The following CFAP299 variants were observed in gnomAD, a reference collection of about 807,000 sequenced individuals.
CFAP299 encodes cilia and flagella associated protein 299, also known as cilia- and flagella-associated protein 299.
CFAP299 carries 21 observed loss-of-function variants against 27.0 expected under a neutral mutation model. The ratio of observed to expected loss-of-function variants is 0.78; its 90% CI spans 0.55 to 1.12. CFAP299 has a LOEUF of 1.12. Ranked by LOEUF, CFAP299 falls within the 50% of genes most tolerant of loss-of-function variation. The pLI is 0.00. For missense variants in CFAP299, 310 were observed against 276.6 expected (o/e 1.12, Z -0.86); for synonymous variants, 104 against 98.1 (o/e 1.06, Z -0.36).
intron 2 of CFAP299, among the ~76,000 whole-genome samples, chr4:80,393,518 T>C (rs557178390): frequency 1.3e-5 from 2 of 152,302 alleles, no homozygotes; most frequent in Admixed American, 6.5e-5. Context: ...TACATGTATA[T>C]AATTTTTCAT....
intron 2 of CFAP299, among the ~76,000 whole-genome samples, chr4:80,541,130 A>T (rs1375596090): frequency 8.0e-6 from 1 of 125,014 alleles, no homozygotes; most frequent in Non-Finnish European, 1.6e-5. Flanking sequence ...ATTTTATGTG[A>T]TTTAGACATA....
chr4:80,799,145 A>G lies in CFAP299; in HGVS notation c.334-70848A>G, dbSNP rs375716772. ...TTTATACAATATTTATATATATATT[A>G]TATAAATATATTTATACAATATTTA... On this transcript the variant is annotated intron_variant, in intron 3 of 5. Transcript: ENST00000358105. Among the ~76,000 whole-genome samples the G allele has an allele frequency of 6.5e-3, 759 of 116,336 alleles. 20 individuals are homozygous for G. Among genetic ancestry groups the G allele is most frequent in the African/African-American group, 0.019 (587 of 31,346 alleles). The allele number at this position is 116,336 out of a possible 152,430, so 76.3% of individuals were successfully genotyped here. A position where few individuals can be genotyped will look rare whatever the true frequency, so the allele number is the denominator to read the frequency against.
At chr4:80,561,315 G>A (rs2101352) in intron 2 of CFAP299, among the ~76,000 whole-genome samples, 1,645 of 152,226 alleles carry the variant, frequency 0.011, 32 homozygotes, top group African/African-American at 0.036. Flanking sequence ...AGTCCTTTTA[G>A]ATATCTGAAA....
intron 2 of CFAP299, among the ~76,000 whole-genome samples, chr4:80,519,139 CACTCTGTTAATATGTGTTTGTGTGTGT>C (rs1732766578): frequency 6.6e-6 from 1 of 151,828 alleles, no homozygotes; most frequent in South Asian, 2.1e-4. Flanking sequence ...ACATAGAAAG[CACTCTGTTAATATGTGTTTGTGTGTGT>C]ACTCTGTTAA....
At chr4:80,526,890 G>A (rs995332098) in intron 2 of CFAP299, among the ~76,000 whole-genome samples, 1 of 151,950 alleles carries the variant, frequency 6.6e-6, no homozygotes, top group African/African-American at 2.4e-5. Flanking sequence ...TTATTTTAGG[G>A]TGTTACAACA....
At position 80,870,527 on chromosome 4, in the gene CFAP299, C is replaced by G. The variant is rs546079489; in HGVS notation, c.476+392C>G. The stretch of plus-strand genomic sequence containing the variant: ...ACCAGCCAAAGTGCTGGCCCCTGAT[C>G]AGCTCACCCTCATTTCTCTCATCTC... On this transcript the variant is annotated intron_variant, in intron 4 of 5. Transcript: ENST00000358105. 2.0e-4 allele frequency: 202 copies of G among 990,620 alleles called. No homozygotes were observed. The African/African-American group carries it at 3.3e-3, about 16-fold the overall frequency. The allele number at this position is 990,620 out of a possible 1,614,324, so 61.4% of individuals were successfully genotyped here.
intron 2 of CFAP299, among the ~76,000 whole-genome samples, chr4:80,447,161 A>G (rs1286278698): frequency 2.1e-5 from 2 of 96,020 alleles, no homozygotes; most frequent in African/African-American, 4.5e-5. Flanking sequence ...TTTGAGACGG[A>G]GTCTCGCTCT....
upstream of CFAP299, among the ~76,000 whole-genome samples, chr4:80,331,243 G>A (rs547914241): frequency 6.6e-6 from 1 of 152,188 alleles, no homozygotes; most frequent in South Asian, 2.1e-4. Flanking sequence ...AACATGTAAC[G>A]TGTGCAGTAG....
chr4:80,905,641 G>A (rs993500744), intron 4 of CFAP299, among the ~76,000 whole-genome samples: 5 of 152,104 alleles, frequency 3.3e-5, no homozygotes, highest in African/African-American at 1.2e-4. Flanking sequence ...GGAGGCCTCA[G>A]GAAACTTACA....
intron 3 of CFAP299, among the ~76,000 whole-genome samples, chr4:80,838,089 C>A (rs188605692): frequency 6.6e-6 from 1 of 151,128 alleles, no homozygotes; most frequent in African/African-American, 2.4e-5. Context: ...AAGTGTCCTT[C>A]GACCACTTTT....
At chr4:80,593,357 A>G (rs748204982) in intron 3 of CFAP299, among the ~76,000 whole-genome samples, 18 of 152,146 alleles carry the variant, frequency 1.2e-4, no homozygotes, top group Middle Eastern at 3.2e-3. Flanking sequence ...AATCAATTTA[A>G]CTGACATTCT....
At chr4:80,624,876 C>T (rs1225968493) in intron 3 of CFAP299, among the ~76,000 whole-genome samples, 1 of 152,056 alleles carries the variant, frequency 6.6e-6, no homozygotes. Flanking sequence ...ATCAAGAATA[C>T]TGTGCTCAGC....
chr4:80,547,786 A>T (rs1200874662), intron 2 of CFAP299, among the ~76,000 whole-genome samples: 1 of 152,232 alleles, frequency 6.6e-6, no homozygotes, highest in East Asian at 1.9e-4. Context: ...AATGTTTGTC[A>T]TCATTAATCA....
At chr4:80,323,563 A>T in the CFAP299 span, among the ~76,000 whole-genome samples, 7 of 152,174 alleles carry the variant, frequency 4.6e-5, no homozygotes, top group Non-Finnish European at 1.0e-4. Context: ...GTATCCAAAG[A>T]CCTACATAAA....
intron 3 of CFAP299, among the ~76,000 whole-genome samples, chr4:80,675,100 G>A (rs1372476304): frequency 6.6e-6 from 1 of 152,134 alleles, no homozygotes; most frequent in Non-Finnish European, 1.5e-5. Flanking sequence ...GACCAGAAGA[G>A]GTGCTTTGGT....
At chr4:80,515,534 A>G (rs904446770) in intron 2 of CFAP299, among the ~76,000 whole-genome samples, 6 of 152,180 alleles carry the variant, frequency 3.9e-5, no homozygotes, top group Non-Finnish European at 8.8e-5. Flanking sequence ...TCTGTTCAGA[A>G]CATTTATGTT....
chr4:80,781,334 A>G (rs1459110681), intron 3 of CFAP299, among the ~76,000 whole-genome samples: 4 of 152,142 alleles, frequency 2.6e-5, no homozygotes, highest in African/African-American at 9.6e-5. Flanking sequence ...ACACTTCAAA[A>G]AAGCCTGAGG....
chr4:80,521,770 T>G (rs976082309), intron 2 of CFAP299, among the ~76,000 whole-genome samples: 1 of 151,854 alleles, frequency 6.6e-6, no homozygotes, highest in Admixed American at 6.6e-5. Context: ...TTCATCCATA[T>G]TGTAGCACAT....
At chr4:80,354,294 G>A (rs996288425) in intron 1 of CFAP299, among the ~76,000 whole-genome samples, 1 of 152,118 alleles carries the variant, frequency 6.6e-6, no homozygotes, top group Non-Finnish European at 1.5e-5. Context: ...CTTACAAATT[G>A]TCTGGAATAT....
Sources: allele counts gnomAD v4.1 joint callset (sites outside exome capture counted in the v4.1 genomes callset), GRCh38; gene constraint gnomAD v4.1.1; transcripts MANE v1.5; gene names NCBI Gene and HGNC (gene_info 2026-07-23, HGNC 2026-07-21).